Variants in TLL1 observed in about 807,000 individuals in gnomAD.
TLL1 encodes tolloid-like protein 1.
In TLL1, 49 loss-of-function variants were observed where a neutral mutation model predicts 128.2. The observed-to-expected ratio is 0.38, with a 90% CI of 0.30 to 0.48. TLL1 has a LOEUF of 0.48. Ranked by LOEUF, TLL1 falls within the 20% of genes least tolerant of loss-of-function variation. The pLI is 0.96. For missense variants in TLL1, 1,123 were observed against 1,242.0 expected (o/e 0.90, Z 1.44); for synonymous variants, 454 against 418.8 (o/e 1.08, Z -1.03).
intron 18 of TLL1, 72 bp from the exon 19 acceptor site, chr4:166,091,056 C>T: frequency 7.6e-7 from 1 of 1,312,114 alleles, no homozygotes; most frequent in Non-Finnish European, 1.1e-6. Context: ...ATATGTATTT[C>T]TGTCCCAAAA....
chr4:166,050,200 A>G (rs896545316), intron 12 of TLL1, among the ~76,000 whole-genome samples: 2 of 151,804 alleles, frequency 1.3e-5, no homozygotes, highest in Admixed American at 6.6e-5. Context: ...AAAACACCCT[A>G]TTTTTTTCCT....
At chr4:166,037,418 T>C (rs957310019) in intron 9 of TLL1, among the ~76,000 whole-genome samples, 1 of 151,946 alleles carries the variant, frequency 6.6e-6, no homozygotes, top group African/African-American at 2.4e-5. Context: ...TGTAAACACT[T>C]AAAAAGTGGA....
chr4:165,944,252 A>C (rs982109584), intron 1 of TLL1, among the ~76,000 whole-genome samples: 56 of 152,240 alleles, frequency 3.7e-4, no homozygotes, highest in African/African-American at 1.3e-3. Context: ...GACTTTGAAG[A>C]CCTGGAATTT....
At chr4:166,050,409 T>A (rs12643206) in intron 12 of TLL1, among the ~76,000 whole-genome samples, 19,134 of 152,246 alleles carry the variant, frequency 0.13, 1,444 homozygotes, top group East Asian at 0.37. Context: ...AACGTAAGTA[T>A]GCAAATATCT....
intron 12 of TLL1, among the ~76,000 whole-genome samples, chr4:166,045,737 C>A (rs1739436403): frequency 6.6e-6 from 1 of 152,038 alleles, no homozygotes; most frequent in South Asian, 2.1e-4. Flanking sequence ...CAGCTCGTCT[C>A]GCCCTCTTTC....
chr4:166,005,547 G>A (rs1236691516), intron 6 of TLL1, among the ~76,000 whole-genome samples: 1 of 151,630 alleles, frequency 6.6e-6, no homozygotes, highest in Non-Finnish European at 1.5e-5. Context: ...GATCTGTAGG[G>A]TTAGATATCA....
Position 166,003,520 on chromosome 4 carries a change from A to G in TLL1, c.762A>G (p.Arg254=). ...HVIGFWHEHT[R]PDRDNHVTII... ...TAGGCTTTTGGCATGAACACACAAG[A>G]CCAGATCGAGATAACCACGTAACTA... The change falls in exon 6 of 21, where the codon AGA becomes AGG. Residue 254 remains arginine (R), a synonymous_variant. Coordinates refer to ENST00000061240, the MANE Select transcript of TLL1 (RefSeq NM_012464.5). 6.2e-7 allele frequency: 1 copy of G among 1,614,046 alleles called. No homozygotes were observed. Among genetic ancestry groups the G allele is most frequent in the Non-Finnish European group, 8.5e-7 (1 of 1,179,946 alleles).
intron 19 of TLL1, among the ~76,000 whole-genome samples, chr4:166,098,412 C>T (rs923161969): frequency 6.8e-6 from 1 of 146,522 alleles, no homozygotes; most frequent in Non-Finnish European, 1.5e-5. Flanking sequence ...ACCTTTTATT[C>T]TCTAAATTAT....
At chr4:165,912,645 G>A (rs1022698189) in intron 1 of TLL1, among the ~76,000 whole-genome samples, 1 of 152,008 alleles carries the variant, frequency 6.6e-6, no homozygotes, top group Non-Finnish European at 1.5e-5. Context: ...ACTGGAAGCA[G>A]GTTGCCAAGT....
intron 1 of TLL1, among the ~76,000 whole-genome samples, chr4:165,929,032 G>A (rs192276769): frequency 3.9e-5 from 6 of 152,214 alleles, no homozygotes; most frequent in African/African-American, 1.2e-4. Flanking sequence ...CCATCCCATT[G>A]AGCCCTTCTA....
chr4:166,044,647 A>G (rs754874179), intron 12 of TLL1, among the ~76,000 whole-genome samples: 2 of 152,120 alleles, frequency 1.3e-5, no homozygotes, highest in Non-Finnish European at 2.9e-5. Flanking sequence ...TAATGGACTA[A>G]TAGGTTTGCA....
chr4:165,894,500 G>T (rs187686019), intron 1 of TLL1, among the ~76,000 whole-genome samples: 3 of 152,304 alleles, frequency 2.0e-5, no homozygotes. Context: ...GAATGAAAGT[G>T]AAATAAATAC....
chr4:165,970,224 G>T (rs1329030007), intron 1 of TLL1, among the ~76,000 whole-genome samples: 1 of 152,094 alleles, frequency 6.6e-6, no homozygotes, highest in Non-Finnish European at 1.5e-5. Flanking sequence ...TTTGTGATTA[G>T]AGATGCTCTA....
intron 1 of TLL1, among the ~76,000 whole-genome samples, chr4:165,964,787 A>G (rs942050878): frequency 4.6e-5 from 7 of 152,006 alleles, no homozygotes; most frequent in African/African-American, 1.5e-4. Context: ...ACCAACAACA[A>G]TTAGCTGGGC....
At chr4:166,096,812 AAT>A (rs1313190360) in intron 19 of TLL1, among the ~76,000 whole-genome samples, 2 of 152,176 alleles carry the variant, frequency 1.3e-5, no homozygotes, top group African/African-American at 4.8e-5. Context: ...TTACATGTTG[AAT>A]TCAGAAATAT....
intron 13 of TLL1, among the ~76,000 whole-genome samples, chr4:166,056,545 G>A (rs1033753574): frequency 6.6e-6 from 1 of 151,938 alleles, no homozygotes; most frequent in African/African-American, 2.4e-5. Context: ...CAATTTCTGA[G>A]TTTTATACCT....
chr4:165,922,548 T>A (rs561634578), intron 1 of TLL1, among the ~76,000 whole-genome samples: 1 of 152,330 alleles, frequency 6.6e-6, no homozygotes, highest in African/African-American at 2.4e-5. Context: ...TCCAAAATTT[T>A]AGAATGATTT....
intron 1 of TLL1, among the ~76,000 whole-genome samples, chr4:165,892,077 C>A (rs1028491502): frequency 6.6e-6 from 1 of 152,216 alleles, no homozygotes. Flanking sequence ...CAAATGGCGG[C>A]AGCACGGAGA....
In TLL1 at chr4:166,103,059, G is replaced by A. The variant is rs536409663; in HGVS notation, c.*2183G>A. On this transcript the variant is annotated 3_prime_UTR_variant, in exon 21 of 21. Coordinates refer to ENST00000061240, the MANE Select transcript of TLL1 (RefSeq NM_012464.5). ...CTTTGAGGACTGTCATCATGTTCTC[G>A]TTTTGTAGTTCAGAAAGTGAGGCTC... The A allele has an allele frequency of 3.3e-5, 5 of 151,936 alleles. No homozygotes were observed. Among genetic ancestry groups the A allele is most frequent in the East Asian group, 1.9e-4 (1 of 5,142 alleles). 9.4% of individuals were successfully genotyped at this position (151,936 alleles called of 1,614,324 possible).
Sources: allele counts gnomAD v4.1 joint callset (sites outside exome capture counted in the v4.1 genomes callset), GRCh38; gene constraint gnomAD v4.1.1; transcripts MANE v1.5; gene names NCBI Gene and HGNC (gene_info 2026-07-23, HGNC 2026-07-21).